Variants in FA2H observed in about 807,000 individuals in gnomAD.
FA2H encodes fatty acid alpha-hydroxylase.
FA2H carries 22 observed loss-of-function variants against 44.9 expected under a neutral mutation model. The ratio of observed to expected loss-of-function variants is 0.49; its 90% confidence interval spans 0.35 to 0.70. The LOEUF (loss-of-function observed/expected upper bound fraction) is 0.70, where lower values mean the gene tolerates loss of function less well. FA2H is among the 30% of genes least tolerant of loss of function. The pLI is 0.01. For missense variants in FA2H, 501 were observed against 504.9 expected (o/e 0.99, Z 0.07); for synonymous variants, 243 against 213.2 (o/e 1.14, Z -1.22).
At chr16:74,730,775 T>C (rs532922063) in intron 2 of FA2H, among the ~76,000 whole-genome samples, 2 of 152,302 alleles carry the variant, frequency 1.3e-5, no homozygotes, top group South Asian at 2.1e-4. Context: ...TCAAGCATGG[T>C]TCTAAACACC....
intron 1 of FA2H, among the ~76,000 whole-genome samples, chr16:74,742,955 G>C (rs1403195823): frequency 1.3e-5 from 2 of 152,100 alleles, no homozygotes; most frequent in African/African-American, 4.8e-5. Context: ...TCTTTCCAAG[G>C]AAGGCAGTTG....
chr16:74,767,723 C>T (rs926655362), intron 1 of FA2H, among the ~76,000 whole-genome samples: 5 of 152,220 alleles, frequency 3.3e-5, no homozygotes, highest in African/African-American at 9.6e-5. Context: ...AGAAGGAATG[C>T]TTCCCTGCAG....
intron 1 of FA2H, among the ~76,000 whole-genome samples, chr16:74,741,623 G>A (rs1362113638): frequency 1.3e-5 from 2 of 151,620 alleles, no homozygotes; most frequent in African/African-American, 4.8e-5. Context: ...ACCACACCCA[G>A]CTAATTTTTG....
At chr16:74,740,188 G>T in intron 1 of FA2H, 73 bp from the exon 2 acceptor site, 5 of 1,252,184 alleles carry the variant, frequency 4.0e-6, no homozygotes, top group Non-Finnish European at 5.9e-6. Context: ...GCTGCCCCGA[G>T]AAGAGGCAGC....
intron 2 of FA2H, among the ~76,000 whole-genome samples, chr16:74,728,151 C>G (rs1961996083): frequency 6.6e-6 from 1 of 152,152 alleles, no homozygotes; most frequent in South Asian, 2.1e-4. Flanking sequence ...TTGTTGGTTG[C>G]AGTAGCTCAT....
intron 1 of FA2H, among the ~76,000 whole-genome samples, chr16:74,758,744 A>T (rs986007478): frequency 6.6e-6 from 1 of 152,200 alleles, no homozygotes; most frequent in Non-Finnish European, 1.5e-5. Context: ...TGGGCCACAG[A>T]GCAAGAACCC....
chr16:74,725,617 G>A (rs1417083264), intron 4 of FA2H, among the ~76,000 whole-genome samples: 1 of 152,316 alleles, frequency 6.6e-6, no homozygotes, highest in Admixed American at 6.5e-5. Context: ...TCTAAAAGGG[G>A]ATAATGACAG....
intron 1 of FA2H, among the ~76,000 whole-genome samples, chr16:74,746,382 T>A (rs1962425363): frequency 6.6e-6 from 1 of 151,662 alleles, no homozygotes; most frequent in African/African-American, 2.4e-5. Flanking sequence ...ATTATTATTT[T>A]TTTTTTGGTA....
chr16:74,723,179 A>C (rs1961876269), intron 4 of FA2H, among the ~76,000 whole-genome samples: 2 of 152,154 alleles, frequency 1.3e-5, no homozygotes, highest in Non-Finnish European at 2.9e-5. Context: ...ACCTATGGGC[A>C]TTTTTTCTCT....
intron 1 of FA2H, among the ~76,000 whole-genome samples, chr16:74,742,289 G>A (rs943866130): frequency 1.2e-4 from 19 of 152,168 alleles, no homozygotes; most frequent in African/African-American, 4.6e-4. Flanking sequence ...CAAATGGAGT[G>A]GGTGCATCTG....
intron 1 of FA2H, among the ~76,000 whole-genome samples, chr16:74,759,796 T>C (rs58198369): frequency 2.0e-5 from 3 of 152,162 alleles, no homozygotes; most frequent in Admixed American, 2.0e-4. Flanking sequence ...CTATTTCACC[T>C]GGACAGGACT....
intron 2 of FA2H, among the ~76,000 whole-genome samples, chr16:74,727,598 C>A (rs914023649): frequency 6.6e-6 from 1 of 152,216 alleles, no homozygotes; most frequent in East Asian, 1.9e-4. Context: ...TAAAGGTTTG[C>A]GACCTAAGCT....
At position 74,765,453 on chromosome 16, in the gene FA2H, G is replaced by A. The variant is rs914622612; in HGVS notation, c.270+9033C>T. Reference sequence around the variant, plus strand: ...ATTACAGGCATGAGCCACCGTGCCCGGCTATGTTTCATTCTTAAAGTATCT... The same window carrying A: ...ATTACAGGCATGAGCCACCGTGCCCAGCTATGTTTCATTCTTAAAGTATCT... On this transcript the variant is annotated intron_variant, in intron 1 of 6. Transcript: ENST00000219368. 3.2e-4 allele frequency among the ~76,000 whole-genome samples: 48 copies of A among 151,282 alleles called. 1 individual carries two copies. The highest frequency in any genetic ancestry group is 3.0e-3 in the Admixed American group (45 of 15,184).
intron 1 of FA2H, among the ~76,000 whole-genome samples, chr16:74,770,088 C>G (rs1962879354): frequency 6.6e-6 from 1 of 152,154 alleles, no homozygotes; most frequent in Non-Finnish European, 1.5e-5. Flanking sequence ...CAGGACAGGG[C>G]CCTAGGAGGG....
chr16:74,747,795 G>C (rs1567645334), intron 1 of FA2H, among the ~76,000 whole-genome samples: 1 of 152,074 alleles, frequency 6.6e-6, no homozygotes, highest in African/African-American at 2.4e-5. Flanking sequence ...CCAGAGCTGC[G>C]AGACAATACA....
chr16:74,746,139 AAGC>A (rs2144642311), intron 1 of FA2H, among the ~76,000 whole-genome samples: 1 of 152,088 alleles, frequency 6.6e-6, no homozygotes, highest in South Asian at 2.1e-4. Context: ...GCAGGGAATG[AAGC>A]AGACTACAGT....
chr16:74,738,830 C>T (rs547988860), intron 2 of FA2H, among the ~76,000 whole-genome samples: 2 of 152,366 alleles, frequency 1.3e-5, no homozygotes, highest in South Asian at 2.1e-4. Flanking sequence ...CAGGTCCCAG[C>T]TCGCCGGCTG....
At chr16:74,769,786 G>C (rs541086229) in intron 1 of FA2H, among the ~76,000 whole-genome samples, 1 of 152,184 alleles carries the variant, frequency 6.6e-6, no homozygotes, top group Non-Finnish European at 1.5e-5. Context: ...CACTGCTCTC[G>C]CCTGAGCTTG....
chr16:74,725,305 G>C (rs969671632), intron 4 of FA2H, among the ~76,000 whole-genome samples: 3 of 152,200 alleles, frequency 2.0e-5, no homozygotes. Context: ...AGCTTCCCCT[G>C]GCAGAGTGAG....
Sources: allele counts gnomAD v4.1 joint callset (sites outside exome capture counted in the v4.1 genomes callset), GRCh38; gene constraint gnomAD v4.1.1; transcripts MANE v1.5; gene names NCBI Gene and HGNC (gene_info 2026-07-23, HGNC 2026-07-21).